Variants in USP33 observed in about 807,000 individuals in gnomAD.
USP33 encodes the protein ubiquitin specific peptidase 33.
USP33 carries 46 observed loss-of-function variants against 124.2 expected under a neutral mutation model. That is an observed-to-expected ratio of 0.37 (90% CI 0.29 to 0.47). The LOEUF (loss-of-function observed/expected upper bound fraction) is 0.47. Among genes scored for constraint, USP33 ranks in the 20% least tolerant of loss-of-function variants. The pLI is 0.99. For missense variants in USP33, 851 were observed against 1,070.6 expected, an observed-to-expected ratio of 0.79 and a Z score of 2.86; for synonymous variants, 350 against 352.3, an observed-to-expected ratio of 0.99 and a Z score of 0.07.
chr1:77,722,264 T>G (rs764679798), intron 12 of USP33, 68 bp from the exon 13 acceptor site: 1 of 1,414,240 alleles, frequency 7.1e-7, no homozygotes, highest in Non-Finnish European at 9.5e-7. Flanking sequence ...AGGTTAGATT[T>G]TAGACTCTAA....
In USP33 at chr1:77,713,681, G is replaced by C. The variant is rs1330515321; in HGVS notation, c.2216-400C>G. 2.0e-5 allele frequency among the ~76,000 whole-genome samples: 3 copies of C among 150,672 alleles called. No individual in the cohort carries two copies. The East Asian group carries it at 5.9e-4, about 29-fold the overall frequency. ...CAAAGTGCTGAGCTTAGAGGCATGAGCCATTGTGTCTGGCCATTTTTTTGA... is the reference window on the plus strand; with the variant it reads ...CAAAGTGCTGAGCTTAGAGGCATGACCCATTGTGTCTGGCCATTTTTTTGA... On this transcript the variant is annotated intron_variant, in intron 19 of 23. Coordinates refer to ENST00000370794, the MANE Select transcript of USP33 (RefSeq NM_201624.3).
At position 77,714,797 on chromosome 1, in the gene USP33, T is replaced by C. The variant is rs372402576; in HGVS notation, c.2046-14A>G. ...TCGCTGCTCTTCCTATTAAGGACAA[T>C]GATTAGTTAAATTCAATATGCATTT... is the stretch of plus-strand genomic sequence containing the variant. On this transcript the variant is annotated splice_polypyrimidine_tract_variant and intron_variant, in intron 18 of 23. Transcript: ENST00000370794. The C allele has an allele frequency of 7.5e-6, 12 of 1,606,010 alleles. No homozygotes were observed. Among genetic ancestry groups the C allele is most frequent in the Non-Finnish European group, 1.0e-5 (12 of 1,178,732 alleles).
intron 12 of USP33, 101 bp from the exon 13 acceptor site, chr1:77,722,297 G>GA: frequency 9.5e-7 from 1 of 1,056,878 alleles, no homozygotes; most frequent in African/African-American, 1.7e-5. Flanking sequence ...GTTTAAATAA[G>GA]CAAAAAAAAC....
At chr1:77,708,986 A>T (rs369368327) in intron 21 of USP33, among the ~76,000 whole-genome samples, 12 of 152,038 alleles carry the variant, frequency 7.9e-5, no homozygotes, top group Admixed American at 5.9e-4. Flanking sequence ...CAACTAATTG[A>T]TTTGTTTCAT....
intron 7 of USP33, among the ~76,000 whole-genome samples, chr1:77,731,392 C>CGTGA (rs1237713450): frequency 6.6e-6 from 1 of 152,100 alleles, no homozygotes; most frequent in Non-Finnish European, 1.5e-5. Flanking sequence ...GTCTGTCTGT[C>CGTGA]GTGAGTTTGA....
At chr1:77,702,165 AAAAAAAAAAAAAC>A (rs1453073312) in intron 21 of USP33, among the ~76,000 whole-genome samples, 4,701 of 138,088 alleles carry the variant, frequency 0.034, 269 homozygotes, top group Non-Finnish European at 0.059. Context: ...AAAAAAAAAA[AAAAAAAAAAAAAC>A]CAGTGGTACA....
At chr1:77,698,018 AAC>A in intron 22 of USP33, 87 bp from the exon 23 acceptor site, 1 of 1,016,616 alleles carries the variant, frequency 9.8e-7, no homozygotes, top group Non-Finnish European at 1.5e-6. Context: ...TGTGACCTAT[AAC>A]TACATTATCA....
At chr1:77,700,679 T>C (rs1344794923) in intron 22 of USP33, among the ~76,000 whole-genome samples, 1 of 151,704 alleles carries the variant, frequency 6.6e-6, no homozygotes, top group Non-Finnish European at 1.5e-5. Flanking sequence ...TGTTGCAGCC[T>C]TTTTCACATA....
rs921166578 is a variant in USP33, at chr1:77,715,794, C to G, written c.1993G>C (p.Glu665Gln). 6.2e-6 allele frequency: 10 copies of G among 1,613,946 alleles called. No individual in the cohort carries two copies. The African/African-American group carries it at 1.3e-4, about 22-fold the overall frequency. The change falls in exon 18 of 24, where the codon GAA (glutamate) becomes CAA (glutamine). Residue 665 changes from glutamate (E) to glutamine (Q), a missense_variant. Coordinates refer to ENST00000370794, the MANE Select transcript of USP33 (RefSeq NM_201624.3). Reference protein sequence around the residue: ...WYEFDDQSVTEVSESTVQNAE... With the variant: ...WYEFDDQSVTQVSESTVQNAE... Reference sequence around the variant, plus strand: ...TTTTGTACAGTAGATTCTGAAACTTCAGTGACACTCTGATCATCAAATTCA... The same window carrying G: ...TTTTGTACAGTAGATTCTGAAACTTGAGTGACACTCTGATCATCAAATTCA...
At chr1:77,698,465 C>T (rs1673644408) in intron 22 of USP33, among the ~76,000 whole-genome samples, 1 of 150,186 alleles carries the variant, frequency 6.7e-6, no homozygotes. Flanking sequence ...AAGAGAGGCT[C>T]GTTCACAACC....
At chr1:77,730,053 A>C in intron 8 of USP33, 115 bp from the exon 9 acceptor site, 1 of 972,710 alleles carries the variant, frequency 1.0e-6, no homozygotes, top group Non-Finnish European at 1.5e-6. Flanking sequence ...TTTCAAAAAA[A>C]TCATTCAAAA....
At chr1:77,731,119 C>T (rs1436895854) in intron 7 of USP33, among the ~76,000 whole-genome samples, 2 of 152,292 alleles carry the variant, frequency 1.3e-5, no homozygotes, top group Middle Eastern at 3.4e-3. Flanking sequence ...CGTAAGGATT[C>T]CTCGGGACTT....
chr1:77,740,354 CTTTT>C (rs772557695), intron 4 of USP33, among the ~76,000 whole-genome samples: 1 of 143,088 alleles, frequency 7.0e-6, no homozygotes. Context: ...TGGATATACA[CTTTT>C]TTTTTTTTTT....
At chr1:77,745,960 C>T (rs1197173742) in intron 1 of USP33, among the ~76,000 whole-genome samples, 4 of 152,016 alleles carry the variant, frequency 2.6e-5, no homozygotes, top group African/African-American at 2.4e-5. Context: ...CCTAACATCA[C>T]AATGAAAAGA....
rs1677387153 is a variant in USP33, at chr1:77,728,287, A to G, written c.1135+8T>C. 1 of 1,558,138 alleles carries G rather than the reference A, an allele frequency of 6.4e-7. No homozygotes were observed. The highest frequency in any genetic ancestry group is 2.1e-5 in the Admixed American group (1 of 48,118). ...ATCATTTTCATGAACAAACTACTAAATTGTCACCTGAAGCTCTGCTGTGTA... is the reference window on the plus strand; with the variant it reads ...ATCATTTTCATGAACAAACTACTAAGTTGTCACCTGAAGCTCTGCTGTGTA... On this transcript the variant is annotated splice_region_variant and intron_variant, in intron 10 of 23. Coordinates refer to ENST00000370794, the MANE Select transcript of USP33 (RefSeq NM_201624.3).
chr1:77,740,118 G>C (rs1678947898), intron 4 of USP33, among the ~76,000 whole-genome samples: 1 of 152,094 alleles, frequency 6.6e-6, no homozygotes, highest in Admixed American at 6.6e-5. Context: ...ATTTAGAATG[G>C]GAGCTCTACA....
Position 77,717,606 on chromosome 1 carries a change from T to C in USP33, c.1918+261A>G, listed in dbSNP as rs1676072143. The stretch of plus-strand genomic sequence containing the variant: ...AAATTATCTGACATGTTTTTAATAA[T>C]TAGCAGTAACATCTGTTTTTAACAT... On this transcript the variant is annotated intron_variant, in intron 17 of 23. Coordinates refer to ENST00000370794, the MANE Select transcript of USP33 (RefSeq NM_201624.3). 3 of 238,202 alleles carry C rather than the reference T, an allele frequency of 1.3e-5. No individual in the cohort carries two copies. The East Asian group carries it at 2.3e-4, about 18-fold the overall frequency. 14.8% of individuals were successfully genotyped at this position (238,202 alleles called of 1,614,324 possible).
At chr1:77,753,505 G>A (rs717333) in intron 1 of USP33, among the ~76,000 whole-genome samples, 2 of 151,956 alleles carry the variant, frequency 1.3e-5, no homozygotes, top group East Asian at 1.9e-4. Context: ...CTTAATGTTC[G>A]CATAAAATAA....
rs916997411 is a variant in USP33, at chr1:77,759,783, C to A, written c.-192G>T. 19 of 397,770 alleles carry A rather than the reference C, an allele frequency of 4.8e-5. No individual in the cohort carries two copies. The highest frequency in any genetic ancestry group is 1.4e-4 in the African/African-American group (7 of 48,608). 24.6% of individuals were successfully genotyped at this position (397,770 alleles called of 1,614,324 possible). A position where few individuals can be genotyped will look rare whatever the true frequency, so the allele number is the denominator to read the frequency against. ...AGGGCCGGAAAACGGCCCCGCAGCG[C>A]TGCCCTCGGGGGGTCCGCCTCCTGA... is the stretch of plus-strand genomic sequence containing the variant. On this transcript the variant is annotated 5_prime_UTR_variant, in exon 1 of 24. Transcript: ENST00000370794.
Sources: allele counts gnomAD v4.1 joint callset (sites outside exome capture counted in the v4.1 genomes callset), GRCh38; gene constraint gnomAD v4.1.1; transcripts MANE v1.5; gene names NCBI Gene and HGNC (gene_info 2026-07-23, HGNC 2026-07-21).